The following PRDM14 variants were observed in gnomAD, a reference collection of about 807,000 sequenced individuals.
The protein encoded by PRDM14 is PR domain zinc finger protein 14.
Under a neutral mutation model 48.0 loss-of-function variants are expected in PRDM14, and 16 were observed. The observed-to-expected ratio is 0.33, with a 90% CI of 0.23 to 0.51. The LOEUF (loss-of-function observed/expected upper bound fraction) is 0.51. Among genes scored for constraint, PRDM14 ranks in the 20% least tolerant of loss-of-function variants. The pLI is 0.97. For synonymous variants in PRDM14, 264 were observed against 276.6 expected (o/e 0.95, Z 0.45); for missense variants, 566 against 719.6 (o/e 0.79, Z 2.44).
rs769291377 is a variant in PRDM14, at chr8:70,069,669, G to A, written c.192C>T (p.Pro64=). The A allele has an allele frequency of 2.4e-5, 37 of 1,549,342 alleles. No homozygotes were observed. Among genetic ancestry groups the A allele is most frequent in the Non-Finnish European group, 2.8e-5 (32 of 1,148,236 alleles). Residue 64 remains proline, a synonymous_variant, in exon 2 of 8, where the codon CCC becomes CCT. Coordinates refer to ENST00000276594, the MANE Select transcript of PRDM14 (RefSeq NM_024504.4). The part of the protein sequence containing the change: ...RQLEAAASAA[P]AMPPFPFRMA... The stretch of plus-strand genomic sequence containing the variant: ...TCCGGAAGGGGAAGGGGGGCATGGC[G>A]GGGGCAGCAGACGCTGCGGCCTCCA...
chr8:70,065,481 C>T (rs1805652089), intron 5 of PRDM14, among the ~76,000 whole-genome samples: 1 of 152,084 alleles, frequency 6.6e-6, no homozygotes, highest in Non-Finnish European at 1.5e-5. Flanking sequence ...GGAATGTGGA[C>T]CAGGGACCAG....
chr8:70,058,804 C>A lies in PRDM14; in HGVS notation c.1222G>T (p.Val408Leu). 1.2e-6 allele frequency: 2 copies of A among 1,614,124 alleles called. No homozygotes were observed. Among genetic ancestry groups the A allele is most frequent in the Non-Finnish European group, 1.7e-6 (2 of 1,180,004 alleles). Reference sequence around the variant, plus strand: ...TCTCTGTAATATTTGTAGGTAAATACCTTCCCACATCTTTCACATCTGTAG... The same window carrying A: ...TCTCTGTAATATTTGTAGGTAAATAACTTCCCACATCTTTCACATCTGTAG... ...EGYRCERCGK[V>L]FTYKYYRDKH... Residue 408 changes from valine (V) to leucine (L), a missense_variant, in exon 6 of 8, where the codon GTA (valine) becomes TTA (leucine). Around this residue, in one of 3 missense-constraint regions of PRDM14, gnomAD observed 126 missense variants for 271.6 expected, o/e 0.46. Coordinates refer to ENST00000276594, the MANE Select transcript of PRDM14 (RefSeq NM_024504.4).
At chr8:70,067,739 A>G (rs1190152019) in intron 4 of PRDM14, among the ~76,000 whole-genome samples, 2 of 152,066 alleles carry the variant, frequency 1.3e-5, no homozygotes, top group Non-Finnish European at 2.9e-5. Context: ...CATTCTGACA[A>G]ATTTTCTCCT....
At chr8:70,058,553 A>G (rs1319753580) in intron 6 of PRDM14, 87 bp downstream of exon 6, 25 of 1,131,326 alleles carry the variant, frequency 2.2e-5, no homozygotes, top group Non-Finnish European at 3.3e-5. Context: ...CCCTGCAGCT[A>G]GCACCTACAA....
At chr8:70,065,775 CTTT>C (rs60019808) in intron 5 of PRDM14, among the ~76,000 whole-genome samples, 12 of 144,322 alleles carry the variant, frequency 8.3e-5, no homozygotes, top group South Asian at 2.2e-4. Context: ...CTACTCTATA[CTTT>C]TTTTTTTTTT....
chr8:70,062,996 A>G (rs1332874869), intron 5 of PRDM14, among the ~76,000 whole-genome samples: 1 of 150,250 alleles, frequency 6.7e-6, no homozygotes, highest in East Asian at 1.9e-4. Context: ...TTTTTCACTC[A>G]CAAGAGTGGT....
chr8:70,055,157 A>C (rs1805452760), intron 7 of PRDM14, 143 bp downstream of exon 7: 21 of 507,390 alleles, frequency 4.1e-5, no homozygotes, highest in Non-Finnish European at 6.4e-5. Flanking sequence ...ACTTGAGCAT[A>C]TTTAGGGGTG....
chr8:70,058,772 G>A lies in PRDM14; in HGVS notation c.1254C>T (p.His418=). Residue 418 remains histidine (H), a synonymous_variant, in exon 6 of 8, where the codon CAC becomes CAT. Transcript: ENST00000276594. ...TGTCCACACAGGGGGTGTACTTGAG[G>A]TGCTTATCTCTGTAATATTTGTAGG... The part of the protein sequence containing the change: ...VFTYKYYRDK[H]LKYTPCVDKG... The A allele has an allele frequency of 6.2e-7, 1 of 1,614,076 alleles. No individual in the cohort carries two copies. The highest frequency in any genetic ancestry group is 1.1e-5 in the South Asian group (1 of 91,074).
chr8:70,055,221 C>CA, intron 7 of PRDM14, 79 bp downstream of exon 7: 1 of 771,126 alleles, frequency 1.3e-6, no homozygotes, highest in South Asian at 1.8e-5. Flanking sequence ...CTCATTAAGC[C>CA]AGGCTTTGTT....
In PRDM14 at chr8:70,069,899, G is replaced by A. The variant is rs1436922415; in HGVS notation, c.-24-15C>T. The A allele has an allele frequency of 3.4e-6, 5 of 1,492,060 alleles. No individual in the cohort carries two copies. Among genetic ancestry groups the A allele is most frequent in the Admixed American group, 4.2e-5 (2 of 47,588 alleles). The allele number at this position is 1,492,060 out of a possible 1,614,324, so 92.4% of individuals were successfully genotyped here. A position where few individuals can be genotyped will look rare whatever the true frequency, so the allele number is the denominator to read the frequency against. On this transcript the variant is annotated splice_polypyrimidine_tract_variant and intron_variant, in intron 1 of 7. Transcript: ENST00000276594. ...GCTCGGCGGCTCTGCAGAAAAGCGG[G>A]CGCCGCTGAGGACACCGCGCGGGAG...
chr8:70,068,264 A>G lies in PRDM14; in HGVS notation c.878T>C (p.Val293Ala). ...FQGKVVNASE[V>A]KTYGDNSVMW... ...CACAGAATTGTCTCCGTAGGTCTTCACTTCACTGGCATTGACCACTTTACC... is the reference window on the plus strand; with the variant it reads ...CACAGAATTGTCTCCGTAGGTCTTCGCTTCACTGGCATTGACCACTTTACC... Residue 293 changes from valine (V) to alanine (A), a missense_variant, in exon 4 of 8, where the codon GTG (valine) becomes GCG (alanine). Around this residue, in one of 3 missense-constraint regions of PRDM14, gnomAD observed 410 missense variants for 424.6 expected, o/e 0.97. Coordinates refer to ENST00000276594, the MANE Select transcript of PRDM14 (RefSeq NM_024504.4). The G allele has an allele frequency of 6.2e-7, 1 of 1,614,216 alleles. No individual in the cohort carries two copies.
intron 5 of PRDM14, among the ~76,000 whole-genome samples, chr8:70,063,975 C>T (rs897159254): frequency 6.6e-6 from 1 of 152,114 alleles, no homozygotes; most frequent in Non-Finnish European, 1.5e-5. Flanking sequence ...TACATTCCCA[C>T]ACCCACACCA....
At position 70,069,317 on chromosome 8, in the gene PRDM14, G is replaced by A. The variant is rs1351621312; in HGVS notation, c.544C>T (p.Pro182Ser). Residue 182 changes from proline (P) to serine (S), a missense_variant, in exon 2 of 8, where the codon CCC becomes TCC. Coordinates refer to ENST00000276594, the MANE Select transcript of PRDM14 (RefSeq NM_024504.4). Reference protein sequence around the residue: ...CSPSKQSEDGPKPSNQEGKSP... With the variant: ...CSPSKQSEDGSKPSNQEGKSP... ...TTCCCTTCTTGGTTGGAGGGTTTGGGACCATCCTCTGACTGCTTGCTGGGT... is the reference window on the plus strand; with the variant it reads ...TTCCCTTCTTGGTTGGAGGGTTTGGAACCATCCTCTGACTGCTTGCTGGGT... 5.0e-6 allele frequency: 8 copies of A among 1,611,772 alleles called. No homozygotes were observed. The highest frequency in any genetic ancestry group is 6.8e-6 in the Non-Finnish European group (8 of 1,178,856).
rs745834524 is a variant in PRDM14 at position 70,069,819 on chromosome 8, C to T, written c.42G>A (p.Lys14=). The T allele has an allele frequency of 2.5e-6, 4 of 1,608,864 alleles. No homozygotes were observed. The South Asian group carries it at 3.3e-5, about 13-fold the overall frequency. The change falls in exon 2 of 8, where the codon AAG becomes AAA. Residue 14 remains lysine, a synonymous_variant. Coordinates refer to ENST00000276594, the MANE Select transcript of PRDM14 (RefSeq NM_024504.4). ...PRPSEAVPQD[K]VCYPPESSPQ... ...GGCTGCTCTCCGGCGGGTAGCACAC[C>T]TTGTCCTGAGGCACGGCCTCACTTG...
Position 70,058,635 on chromosome 8 carries a change from C to A in PRDM14, c.1386+5G>T, listed in dbSNP as rs866505683. ...TGGTGGGTCATGTGTCCTCCTAATA[C>A]TCACCTTGTGAGGCCGGTGCTTCTC... On this transcript the variant is annotated splice_donor_5th_base_variant and intron_variant, in intron 6 of 7. Coordinates refer to ENST00000276594, the MANE Select transcript of PRDM14 (RefSeq NM_024504.4). 3 of 1,612,634 alleles carry A rather than the reference C, an allele frequency of 1.9e-6. No homozygotes were observed. Among genetic ancestry groups the A allele is most frequent in the African/African-American group, 2.7e-5 (2 of 74,904 alleles).
At chr8:70,061,654 C>T (rs1281272833) in intron 5 of PRDM14, among the ~76,000 whole-genome samples, 1 of 152,116 alleles carries the variant, frequency 6.6e-6, no homozygotes, top group Non-Finnish European at 1.5e-5. Flanking sequence ...AGAGGGTCAG[C>T]AATTTTACAA....
In PRDM14 at chr8:70,068,482, C is replaced by T. The variant is rs1362517470; in HGVS notation, c.751G>A (p.Glu251Lys). ...CCATGCAAGGAGTCCTGCCTACCTT[C>T]TGGAAGTTGAAGGGAGTCTTTATCC... ...TLDKDSLQLP[E>K]GLCLMQTVFG... is the part of the protein sequence containing the mutation. Residue 251 changes from glutamate (E) to lysine (K), a missense_variant, in exon 3 of 8, where the codon GAA (glutamate) becomes AAA (lysine). Glu to Lys is a moderately conservative substitution (Grantham distance 56). This residue lies in a region of PRDM14 where 410 missense variants were observed against 424.6 expected (regional missense o/e 0.97). Transcript: ENST00000276594. 2 of 1,614,016 alleles carry T rather than the reference C, an allele frequency of 1.2e-6. No homozygotes were observed. Among genetic ancestry groups the T allele is most frequent in the African/African-American group, 2.7e-5 (2 of 74,924 alleles).
intron 2 of PRDM14, 84 bp from the exon 3 acceptor site, chr8:70,068,616 T>A: frequency 9.1e-7 from 1 of 1,097,388 alleles, no homozygotes; most frequent in Non-Finnish European, 1.4e-6. Flanking sequence ...CTTAATTCCC[T>A]AAAGGTAACC....
chr8:70,055,133 A>T (rs1471134750), intron 7 of PRDM14, among the ~76,000 whole-genome samples, 167 bp downstream of exon 7: 3 of 152,148 alleles, frequency 2.0e-5, no homozygotes, highest in Non-Finnish European at 2.9e-5. Context: ...GTTATATTTG[A>T]CCATCTTTAG....
Sources: gnomAD v4.1 joint callset for allele counts (sites outside exome capture counted in the v4.1 genomes callset) on GRCh38, gnomAD v4.1.1 for gene constraint, gnomAD v4.1.1 regional missense constraint, MANE v1.5 for transcripts, NCBI Gene and HGNC (gene_info 2026-07-23, HGNC 2026-07-21) for gene names.